The following GPHN variants were observed in gnomAD, a reference collection of about 807,000 sequenced individuals.
GPHN encodes the protein gephyrin.
GPHN carries 17 observed loss-of-function variants against 95.5 expected under a neutral mutation model. That is an observed-to-expected ratio of 0.18 (90% confidence interval 0.12 to 0.27). The LOEUF (loss-of-function observed/expected upper bound fraction) is 0.27, where lower values mean the gene tolerates loss of function less well. GPHN is among the 10% of genes least tolerant of loss of function. The pLI, the probability that GPHN is intolerant of heterozygous loss-of-function variation, is 1.00. For missense variants in GPHN, 660 were observed against 978.1 expected, an observed-to-expected ratio of 0.67 and a Z score of 4.34; for synonymous variants, 320 against 322.5, an observed-to-expected ratio of 0.99 and a Z score of 0.08.
the GPHN span, chr14:67,321,057 A>G: frequency 6.2e-7 from 1 of 1,614,024 alleles, no homozygotes; most frequent in African/African-American, 1.3e-5. Flanking sequence ...GTTTGCCTAG[A>G]TACAACCCGG....
intron 2 of GPHN, among the ~76,000 whole-genome samples, chr14:66,701,704 A>T (rs749647582): frequency 7.9e-5 from 12 of 152,190 alleles, no homozygotes; most frequent in Non-Finnish European, 1.8e-4. Flanking sequence ...CCAGGGCCTA[A>T]CATTTCAACC....
intron 2 of GPHN, among the ~76,000 whole-genome samples, chr14:66,762,839 C>T (rs2058810514): frequency 6.6e-6 from 1 of 152,042 alleles, no homozygotes; most frequent in South Asian, 2.1e-4. Context: ...AAAAAGGTAC[C>T]CATTTAACCT....
At chr14:66,984,991 T>A (rs193001647) in intron 9 of GPHN, among the ~76,000 whole-genome samples, 233 of 151,542 alleles carry the variant, frequency 1.5e-3, no homozygotes, top group African/African-American at 5.3e-3. Context: ...TGAGTTATTT[T>A]AAAAAAAAAG....
the GPHN span, among the ~76,000 whole-genome samples, chr14:67,732,421 C>A: frequency 1.1e-5 from 1 of 88,888 alleles, no homozygotes; most frequent in Admixed American, 1.4e-4. Context: ...TGAAGTGAGA[C>A]CCTATCTCAA....
intron 1 of GPHN, among the ~76,000 whole-genome samples, chr14:66,653,620 A>G (rs1687381354): frequency 6.6e-6 from 1 of 152,156 alleles, no homozygotes; most frequent in African/African-American, 2.4e-5. Context: ...CCTTGTAAAC[A>G]CTAATTTGTT....
At chr14:67,390,803 T>C in the GPHN span, 3 of 1,190,022 alleles carry the variant, frequency 2.5e-6, no homozygotes, top group Non-Finnish European at 3.8e-6. Context: ...CCCTCTCTCC[T>C]GTATCTATGC....
At chr14:67,130,545 T>C (rs916511474) in intron 17 of GPHN, among the ~76,000 whole-genome samples, 3 of 152,188 alleles carry the variant, frequency 2.0e-5, no homozygotes, top group Non-Finnish European at 4.4e-5. Flanking sequence ...GTCTCTGCTA[T>C]TGTGAATAAT....
chr14:67,019,797 C>G (rs1017038156), intron 9 of GPHN, among the ~76,000 whole-genome samples: 1 of 152,134 alleles, frequency 6.6e-6, no homozygotes, highest in Non-Finnish European at 1.5e-5. Context: ...AAGCTGGGGG[C>G]TCGTAGCTAC....
the GPHN span, chr14:67,227,533 T>C: frequency 2.6e-5 from 4 of 152,154 alleles, no homozygotes; most frequent in Admixed American, 2.0e-4. Context: ...TTTTTTTTAA[T>C]GGTAGAAAAA....
At chr14:66,625,092 T>C (rs1040999056) in intron 1 of GPHN, among the ~76,000 whole-genome samples, 4 of 152,134 alleles carry the variant, frequency 2.6e-5, no homozygotes, top group African/African-American at 9.7e-5. Flanking sequence ...TTTCTTCTTC[T>C]TCTTTTTGAG....
chr14:67,331,223 T>G, the GPHN span, among the ~76,000 whole-genome samples: 2 of 152,234 alleles, frequency 1.3e-5, no homozygotes, highest in Admixed American at 1.3e-4. Flanking sequence ...TTTTGTATTT[T>G]TAATAGAGAC....
At chr14:66,916,915 G>A (rs2065940752) in intron 6 of GPHN, among the ~76,000 whole-genome samples, 1 of 152,158 alleles carries the variant, frequency 6.6e-6, no homozygotes, top group Non-Finnish European at 1.5e-5. Context: ...GTATTTATGT[G>A]ACAGACACAG....
At chr14:67,507,421 G>A in the GPHN span, among the ~76,000 whole-genome samples, 1 of 152,074 alleles carries the variant, frequency 6.6e-6, no homozygotes, top group African/African-American at 2.4e-5. Flanking sequence ...AGTGGCAGAG[G>A]AGCAGGGATA....
At chr14:67,366,804 T>C in the GPHN span, among the ~76,000 whole-genome samples, 1 of 149,372 alleles carries the variant, frequency 6.7e-6, no homozygotes, top group Non-Finnish European at 1.5e-5. Context: ...CAGGCCAAAA[T>C]TGAAAATTTG....
At chr14:66,766,151 G>A (rs943596267) in intron 2 of GPHN, among the ~76,000 whole-genome samples, 81 of 152,124 alleles carry the variant, frequency 5.3e-4, no homozygotes, top group African/African-American at 1.9e-3. Flanking sequence ...GAATCCAAGT[G>A]GAAAATGACA....
chr14:67,190,068 ATTT>A, the GPHN span, among the ~76,000 whole-genome samples: 8 of 115,432 alleles, frequency 6.9e-5, no homozygotes, highest in African/African-American at 2.4e-4. Flanking sequence ...TGCCCAGCTA[ATTT>A]TTTTTTTTTT....
At chr14:66,925,985 A>G (rs117287899) in intron 8 of GPHN, among the ~76,000 whole-genome samples, 1 of 152,280 alleles carries the variant, frequency 6.6e-6, no homozygotes, top group Non-Finnish European at 1.5e-5. Flanking sequence ...TTTGATTTGC[A>G]TTTATCTGAT....
the GPHN span, among the ~76,000 whole-genome samples, chr14:67,404,966 G>A: frequency 6.6e-6 from 1 of 151,754 alleles, no homozygotes; most frequent in South Asian, 2.1e-4. Context: ...AGGTGCGGTG[G>A]CTCACACCTG....
the GPHN span, among the ~76,000 whole-genome samples, chr14:67,404,434 G>A: frequency 1.3e-5 from 2 of 152,288 alleles, no homozygotes; most frequent in East Asian, 3.9e-4. Flanking sequence ...TCCAGCCTGG[G>A]CAACATAGTG....
Sources: allele counts gnomAD v4.1 joint callset (sites outside exome capture counted in the v4.1 genomes callset), GRCh38; gene constraint gnomAD v4.1.1; transcripts MANE v1.5; gene names NCBI Gene and HGNC (gene_info 2026-07-23, HGNC 2026-07-21).